ADSL: variants seen among roughly 807,000 people sequenced by gnomAD.
ADSL encodes the protein adenylosuccinate lyase.
ADSL carries 44 observed loss-of-function variants against 62.1 expected under a neutral mutation model. The ratio of observed to expected loss-of-function variants is 0.71; its 90% confidence interval spans 0.56 to 0.91. The LOEUF is 0.91. Among genes scored for constraint, ADSL ranks in the 40% least tolerant of loss-of-function variants. ADSL has a pLI of 0.00. For missense variants in ADSL, 531 were observed against 627.4 expected, an observed-to-expected ratio of 0.85 and a Z score of 1.64; for synonymous variants, 198 against 220.5, an observed-to-expected ratio of 0.90 and a Z score of 0.90.
rs558278519 is a variant in ADSL at position 40,350,324 on chromosome 22, C to T, written c.357+289C>T. The T allele has an allele frequency of 3.8e-4, 139 of 361,098 alleles. 1 individual carries two copies. The highest frequency in any genetic ancestry group is 2.6e-3 in the African/African-American group (125 of 47,262). 22.4% of individuals were successfully genotyped at this position (361,098 alleles called of 1,614,324 possible). On this transcript the variant is annotated intron_variant, in intron 2 of 12. Transcript: ENST00000623063. Reference sequence around the variant, plus strand: ...TATTTTTTTAGTAGAGATGGGGTTTCACCATGTTAGCCAGGATGGTCTCTA... The same window carrying T: ...TATTTTTTTAGTAGAGATGGGGTTTTACCATGTTAGCCAGGATGGTCTCTA...
chr22:40,380,138 A>G (rs2047318605), intron 2 of ADSL, among the ~76,000 whole-genome samples: 2 of 152,172 alleles, frequency 1.3e-5, no homozygotes, highest in Admixed American at 6.6e-5. Context: ...GAGGCAGTAT[A>G]AAGTAGTGAA....
At chr22:40,358,769 C>G (rs2044660245) in intron 4 of ADSL, 95 bp from the exon 5 acceptor site, 1 of 1,214,470 alleles carries the variant, frequency 8.2e-7, no homozygotes, top group Admixed American at 1.7e-5. Flanking sequence ...TGTTCTCCCT[C>G]CAAGGGGTAA....
At chr22:40,382,684 C>G (rs1288268816) in intron 2 of ADSL, among the ~76,000 whole-genome samples, 1 of 152,158 alleles carries the variant, frequency 6.6e-6, no homozygotes, top group Admixed American at 6.5e-5. Flanking sequence ...GACGTAGACC[C>G]CACCATTCAA....
At chr22:40,346,733 G>A (rs1215059539) in intron 1 of ADSL, 22 bp downstream of exon 1, 2 of 1,586,778 alleles carry the variant, frequency 1.3e-6, no homozygotes, top group Non-Finnish European at 1.7e-6. Flanking sequence ...CGGGCTGAGG[G>A]GCTGGGCCGG....
At chr22:40,359,476 CTTTTTTT>C (rs56719087) in intron 6 of ADSL, among the ~76,000 whole-genome samples, 170 bp downstream of exon 6, 3 of 43,870 alleles carry the variant, frequency 6.8e-5, no homozygotes, top group African/African-American at 1.3e-4. Context: ...TATCTGGATT[CTTTTTTT>C]TTTTTTTTTT....
intron 2 of ADSL, among the ~76,000 whole-genome samples, chr22:40,383,180 A>G (rs1259505592): frequency 2.0e-5 from 3 of 152,170 alleles, no homozygotes; most frequent in South Asian, 2.1e-4. Context: ...AGAAGTCAGT[A>G]GGAACGGCCG....
chr22:40,364,162 T>C, intron 10 of ADSL, 114 bp from the exon 11 acceptor site: 1 of 788,928 alleles, frequency 1.3e-6, no homozygotes, highest in Non-Finnish European at 2.2e-6. Flanking sequence ...CTTGTTACTC[T>C]CCATAATGTG....
Position 40,365,056 on chromosome 22 carries a change from G to C in ADSL, c.1368G>C (p.Gln456His). 3 of 1,613,092 alleles carry C rather than the reference G, an allele frequency of 1.9e-6. No individual in the cohort carries two copies. The highest frequency in any genetic ancestry group is 2.5e-6 in the Non-Finnish European group (3 of 1,179,356). The change falls in exon 12 of 13, where the codon CAG becomes CAC. Residue 456 changes from glutamine (Q) to histidine (H), a missense_variant and splice_region_variant. This residue lies in a region of ADSL where 471 missense variants were observed against 592.9 expected (regional missense o/e 0.79). Transcript: ENST00000623063. ...PSSFTGRASQ[Q>H]VQRFLEEEVY... ...CTTTCACTGGTCGTGCCTCCCAGCA[G>C]GTAAGCTTCCAAGAAGCCTCTTTTC...
Position 40,348,427 on chromosome 22 carries a change from A to G in ADSL, c.154-1405A>G, listed in dbSNP as rs531365214. On this transcript the variant is annotated intron_variant, in intron 1 of 12. Coordinates refer to ENST00000623063, the MANE Select transcript of ADSL (RefSeq NM_000026.4). Reference sequence around the variant, plus strand: ...GAGACTGGGTCTGGCTCTGTCGCCTAGGCTGGAGTGCAGTGGCACAATCTT... The same window carrying G: ...GAGACTGGGTCTGGCTCTGTCGCCTGGGCTGGAGTGCAGTGGCACAATCTT... 4 of 398,490 alleles carry G rather than the reference A, an allele frequency of 1.0e-5. No individual in the cohort carries two copies. In the Admixed American group the frequency reaches 1.8e-4, roughly 18 times the overall value. 24.7% of individuals were successfully genotyped at this position (398,490 alleles called of 1,614,324 possible). A position where few individuals can be genotyped will look rare whatever the true frequency, so the allele number is the denominator to read the frequency against.
chr22:40,386,535 C>G (rs1275497841), intron 2 of ADSL, among the ~76,000 whole-genome samples: 1 of 92,386 alleles, frequency 1.1e-5, no homozygotes, highest in South Asian at 3.6e-4. Context: ...TTAAATCAGT[C>G]TTTTGACCTC....
At chr22:40,356,680 TA>T (rs1232570165) in intron 4 of ADSL, among the ~76,000 whole-genome samples, 1 of 151,028 alleles carries the variant, frequency 6.6e-6, no homozygotes, top group Non-Finnish European at 1.5e-5. Context: ...CCATGGCTCT[TA>T]AAAAAAATAA....
intron 12 of ADSL, among the ~76,000 whole-genome samples, chr22:40,365,669 A>G (rs887027180): frequency 6.6e-5 from 10 of 152,076 alleles, no homozygotes; most frequent in Admixed American, 5.9e-4. Context: ...CAGGAGTTCA[A>G]GAACATCCTG....
chr22:40,360,263 G>T, intron 6 of ADSL, 139 bp from the exon 7 acceptor site: 1 of 677,558 alleles, frequency 1.5e-6, no homozygotes. Flanking sequence ...GTCTCCCAGT[G>T]ATGCTTAGGC....
chr22:40,371,705 AT>A (rs551660513), downstream of ADSL, among the ~76,000 whole-genome samples: 4 of 144,706 alleles, frequency 2.8e-5, no homozygotes, highest in Admixed American at 6.9e-5. Context: ...TTTCTTTTCT[AT>A]TTTTTTTTTA....
In ADSL at chr22:40,366,712, A is replaced by G; in HGVS notation, c.*190A>G. On this transcript the variant is annotated 3_prime_UTR_variant, in exon 13 of 13. Transcript: ENST00000623063. ...GCAAAAACAAAGAGCGTTGAAGTTGACTCTGCTCTTGCATAGTAAATGTAG... is the reference window on the plus strand; with the variant it reads ...GCAAAAACAAAGAGCGTTGAAGTTGGCTCTGCTCTTGCATAGTAAATGTAG... 1 of 584,358 alleles carries G rather than the reference A, an allele frequency of 1.7e-6. No individual in the cohort carries two copies. Among genetic ancestry groups the G allele is most frequent in the East Asian group, 3.0e-5 (1 of 33,070 alleles). The allele number at this position is 584,358 out of a possible 1,614,324, so 36.2% of individuals were successfully genotyped here.
rs752238667 is a variant in ADSL at position 40,363,031 on chromosome 22, C to T, written c.1061C>T (p.Thr354Met). The change falls in exon 10 of 13, where the codon ACG (threonine) becomes ATG (methionine). Residue 354 changes from threonine to methionine, a missense_variant. Thr to Met is a moderately conservative substitution (Grantham distance 81, BLOSUM62 -1). Coordinates refer to ENST00000623063, the MANE Select transcript of ADSL (RefSeq NM_000026.4). ...CTTACCGCAGATACTATATTGAATA[C>T]GCTGCAGAACATTTCTGAAGGATTG... ...AFLTADTILN[T>M]LQNISEGLVV... 1.1e-5 allele frequency: 17 copies of T among 1,613,986 alleles called. No individual in the cohort carries two copies. The highest frequency in any genetic ancestry group is 4.5e-5 in the East Asian group (2 of 44,898).
chr22:40,362,914 G>A (rs552249113), intron 9 of ADSL, 67 bp from the exon 10 acceptor site: 2 of 1,411,984 alleles, frequency 1.4e-6, no homozygotes, highest in African/African-American at 2.8e-5. Flanking sequence ...CAACTTGTTG[G>A]GACACACACT....
downstream of ADSL, among the ~76,000 whole-genome samples, chr22:40,369,595 C>T (rs2045134843): frequency 6.6e-6 from 1 of 151,778 alleles, no homozygotes; most frequent in Non-Finnish European, 1.5e-5. Flanking sequence ...CCTTGATTTC[C>T]TGGGCTCAAG....
At chr22:40,374,463 G>C (rs923936804) in intron 2 of ADSL, among the ~76,000 whole-genome samples, 1 of 152,226 alleles carries the variant, frequency 6.6e-6, no homozygotes, top group Non-Finnish European at 1.5e-5. Context: ...GACAGATCTG[G>C]TAACTGAGCT....
Sources: gnomAD v4.1 joint callset for allele counts (sites outside exome capture counted in the v4.1 genomes callset) on GRCh38, gnomAD v4.1.1 for gene constraint, gnomAD v4.1.1 regional missense constraint, MANE v1.5 for transcripts, NCBI Gene and HGNC (gene_info 2026-07-23, HGNC 2026-07-21) for gene names.